TBC1D8B: variants seen among roughly 807,000 people sequenced by gnomAD.
TBC1D8B encodes RP11-321G1.1.
A neutral mutation model predicts 82.9 loss-of-function variants in TBC1D8B; 75 were observed. That is an observed-to-expected ratio of 0.90 (90% CI 0.75 to 1.10). TBC1D8B has a LOEUF of 1.10. Ranked by LOEUF, TBC1D8B falls within the 50% of genes least tolerant of loss-of-function variation. TBC1D8B has a pLI of 0.00. For synonymous variants in TBC1D8B, 276 were observed against 276.8 expected (o/e 1.00, Z 0.03); for missense variants, 794 against 796.9 (o/e 1.00, Z 0.04).
chrX:106,859,363 T>C (rs1408540500), intron 14 of TBC1D8B, among the ~76,000 whole-genome samples: 2 of 111,997 alleles, frequency 1.8e-5, no homozygotes, highest in African/African-American at 6.5e-5. Context: ...TTTCATTTGC[T>C]TGTGTCACCT....
intron 14 of TBC1D8B, among the ~76,000 whole-genome samples, chrX:106,857,889 T>G (rs1195443794): frequency 8.9e-6 from 1 of 112,445 alleles, no homozygotes; most frequent in East Asian, 2.8e-4. Context: ...CATACATGTG[T>G]CTTTATGGTA....
At chrX:106,831,787 T>C (rs773502628) in intron 7 of TBC1D8B, among the ~76,000 whole-genome samples, 1 of 111,664 alleles carries the variant, frequency 9.0e-6, no homozygotes, top group Admixed American at 9.6e-5. Flanking sequence ...TTTAGAGGTT[T>C]TAATAAATAT....
intron 3 of TBC1D8B, among the ~76,000 whole-genome samples, chrX:106,821,335 G>T (rs1395073714): frequency 9.0e-6 from 1 of 110,501 alleles, no homozygotes; most frequent in Non-Finnish European, 1.9e-5. Context: ...CCTTGTGAAT[G>T]CTTTTAGGGG....
At chrX:106,809,220 G>A (rs1931281659) in intron 1 of TBC1D8B, among the ~76,000 whole-genome samples, 1 of 111,761 alleles carries the variant, frequency 8.9e-6, no homozygotes, top group South Asian at 3.8e-4. Context: ...TTTAAGTGCT[G>A]GAGATAAAGC....
At chrX:106,829,166 C>T (rs1254291358) in intron 7 of TBC1D8B, 6 of 106,469 alleles carry the variant, frequency 5.6e-5, no homozygotes, top group African/African-American at 1.8e-4. Context: ...AACAGAGAGC[C>T]AAATCATGAG....
intron 12 of TBC1D8B, among the ~76,000 whole-genome samples, chrX:106,852,526 T>C (rs1230215753): frequency 5.7e-4 from 64 of 112,048 alleles, no homozygotes; most frequent in Non-Finnish European, 8.8e-4. Flanking sequence ...CTAGGTTTTC[T>C]TCTAGGGTTT....
intron 1 of TBC1D8B, 65 bp downstream of exon 1, chrX:106,803,048 C>T: frequency 2.8e-6 from 3 of 1,086,209 alleles, no homozygotes; most frequent in Non-Finnish European, 3.6e-6. Flanking sequence ...GTGGTGAGGA[C>T]AACAGTTACT....
intron 1 of TBC1D8B, among the ~76,000 whole-genome samples, chrX:106,816,259 C>T (rs1461533340): frequency 9.0e-6 from 1 of 111,497 alleles, no homozygotes; most frequent in Non-Finnish European, 1.9e-5. Flanking sequence ...CATTCTTATA[C>T]ACCAATAACA....
At chrX:106,868,555 C>A in intron 18 of TBC1D8B, 79 bp downstream of exon 18, 1 of 658,265 alleles carries the variant, frequency 1.5e-6, no homozygotes, top group Non-Finnish European at 2.1e-6. Flanking sequence ...TATACTTTAC[C>A]CAACTAAAAT....
chrX:106,843,506 C>A (rs1437023079), intron 10 of TBC1D8B, among the ~76,000 whole-genome samples: 5 of 111,427 alleles, frequency 4.5e-5, no homozygotes, highest in Non-Finnish European at 9.4e-5. Context: ...ATTAGTTGAC[C>A]ATAAATGTTA....
At position 106,875,095 on chromosome X, in the gene TBC1D8B, T is replaced by C. The variant is rs1168601667; in HGVS notation, c.*1130T>C. The C allele has an allele frequency of 9.0e-6, 1 of 110,804 alleles. No individual in the cohort carries two copies. Among genetic ancestry groups the C allele is most frequent in the Non-Finnish European group, 1.9e-5 (1 of 52,854 alleles). 9.1% of individuals were successfully genotyped at this position (110,804 alleles called of 1,213,427 possible). A position where few individuals can be genotyped will look rare whatever the true frequency, so the allele number is the denominator to read the frequency against. ...AAGTCCATTTAGAGATAATGGGCTT[T>C]GTTAGCACTTTCAAAAAAAAAAAAA... is the stretch of plus-strand genomic sequence containing the variant. On this transcript the variant is annotated 3_prime_UTR_variant, in exon 21 of 21. Coordinates refer to ENST00000357242, the MANE Select transcript of TBC1D8B (RefSeq NM_017752.3).
Position 106,848,074 on chromosome X carries a change from C to G in TBC1D8B, c.1720-112C>G, listed in dbSNP as rs963000590. 1.3e-5 allele frequency: 6 copies of G among 452,364 alleles called. No homozygotes were observed. In the Admixed American group the frequency reaches 2.5e-4, roughly 19 times the overall value. The allele number at this position is 452,364 out of a possible 1,213,427, so 37.3% of individuals were successfully genotyped here. On this transcript the variant is annotated intron_variant, in intron 10 of 20. Coordinates refer to ENST00000357242, the MANE Select transcript of TBC1D8B (RefSeq NM_017752.3). ...TTCTCATGTTTCCACTGTTATTACA[C>G]TATTATTACTCTCAGTTGTTCTTGT... is the stretch of plus-strand genomic sequence containing the variant.
intron 10 of TBC1D8B, among the ~76,000 whole-genome samples, chrX:106,845,155 G>T (rs775378733): frequency 5.5e-5 from 6 of 109,403 alleles, no homozygotes; most frequent in African/African-American, 2.0e-4. Flanking sequence ...TCTCTCACTC[G>T]CACTATCTCG....
intron 10 of TBC1D8B, among the ~76,000 whole-genome samples, chrX:106,843,108 A>T (rs1460266751): frequency 9.0e-6 from 1 of 111,355 alleles, no homozygotes; most frequent in East Asian, 2.8e-4. Context: ...GTTATTTGAG[A>T]TGTTTTCTTG....
intron 2 of TBC1D8B, among the ~76,000 whole-genome samples, chrX:106,819,040 A>G (rs1931625636): frequency 9.2e-6 from 1 of 108,152 alleles, no homozygotes; most frequent in African/African-American, 3.4e-5. Context: ...TGTTACTGCT[A>G]TATAACTCCT....
At chrX:106,862,766 G>GTTTTTT (rs199693098) in intron 14 of TBC1D8B, among the ~76,000 whole-genome samples, 3 of 35,793 alleles carry the variant, frequency 8.4e-5, no homozygotes, top group Non-Finnish European at 1.7e-4. Flanking sequence ...CTTTGGATGG[G>GTTTTTT]TTTTTTTTTG....
chrX:106,829,450 G>C (rs1393797590), intron 7 of TBC1D8B: 3 of 108,096 alleles, frequency 2.8e-5, no homozygotes, highest in African/African-American at 3.5e-5. Flanking sequence ...CTACTTTAAA[G>C]TTCATATGGA....
chrX:106,839,266 C>A, intron 7 of TBC1D8B, 42 bp from the exon 8 acceptor site: 1 of 1,088,854 alleles, frequency 9.2e-7, no homozygotes, highest in East Asian at 3.2e-5. Context: ...CTTGTAGAAA[C>A]GTAAGCATGC....
chrX:106,871,198 C>T (rs761745359), intron 20 of TBC1D8B, among the ~76,000 whole-genome samples: 3 of 111,535 alleles, frequency 2.7e-5, no homozygotes, highest in African/African-American at 6.5e-5. Flanking sequence ...CTGGTTCCTA[C>T]TGATCTTATA....
Sources: gnomAD v4.1 joint callset for allele counts (sites outside exome capture counted in the v4.1 genomes callset) on GRCh38, gnomAD v4.1.1 for gene constraint, MANE v1.5 for transcripts, NCBI Gene and HGNC (gene_info 2026-07-23, HGNC 2026-07-21) for gene names.